MACF1: variants seen among roughly 807,000 people sequenced by gnomAD.
MACF1 encodes the protein microtubule-actin cross-linking factor 1.
MACF1 carries 193 observed loss-of-function variants against 854.8 expected under a neutral mutation model. The ratio of observed to expected loss-of-function variants is 0.23; its 90% confidence interval spans 0.20 to 0.25. MACF1 has a LOEUF of 0.25. MACF1 is among the 10% of genes least tolerant of loss of function. The pLI is 1.00. For synonymous variants in MACF1, 3,185 were observed against 3,226.7 expected (o/e 0.99, Z 0.44); for missense variants, 7,722 against 8,929.1 (o/e 0.86, Z 5.45).
chr1:39,458,712 C>T (rs931674333), intron 90 of MACF1: 28 of 587,316 alleles, frequency 4.8e-5, no homozygotes, highest in Non-Finnish European at 1.4e-5. Flanking sequence ...GGTGGTTAAG[C>T]TTATTTTTTA....
rs1213330995 is a variant in MACF1 at position 39,480,966 on chromosome 1, AC to A, written c.22218del (p.Asn7406LysfsTer31). The A allele has an allele frequency of 1.9e-6, 3 of 1,550,852 alleles. No homozygotes were observed. The highest frequency in any genetic ancestry group is 2.6e-6 in the Non-Finnish European group (3 of 1,147,086). On this transcript the variant is annotated frameshift_variant, in exon 99 of 101. Coordinates refer to ENST00000564288, the MANE Select transcript of MACF1 (RefSeq NM_001394062.1). LOFTEE classifies it high-confidence loss of function. ...SRCYDKPWLVNSKAGTPIRDS... is the reference protein window; with the variant it reads ...SRCYDKPWLVXSKAGTPIRDS... Reference sequence around the variant, plus strand: ...TGTTATGACAAACCCTGGTTGGTAAACAGTAAAGCTGGCACCCCTATCAGGG... The same window carrying A: ...TGTTATGACAAACCCTGGTTGGTAAAAGTAAAGCTGGCACCCCTATCAGGG...
At chr1:39,265,094 A>G (rs1033227312) in intron 6 of MACF1, among the ~76,000 whole-genome samples, 3 of 152,196 alleles carry the variant, frequency 2.0e-5, no homozygotes, top group African/African-American at 2.4e-5. Context: ...TAGTTTTCCA[A>G]CCCTCAAATG....
intron 93 of MACF1, among the ~76,000 whole-genome samples, chr1:39,462,544 C>A (rs977444097): frequency 7.5e-5 from 3 of 40,118 alleles, no homozygotes; most frequent in Non-Finnish European, 1.7e-4. Flanking sequence ...GTCTGTCCCC[C>A]CCGCCAAAAA....
intron 52 of MACF1, among the ~76,000 whole-genome samples, chr1:39,374,339 G>A (rs1024824311): frequency 1.3e-5 from 2 of 152,242 alleles, no homozygotes; most frequent in Non-Finnish European, 2.9e-5. Context: ...GTCTGTGATA[G>A]TGCACTCCTA....
At chr1:39,171,815 A>G (rs1325680142) in intron 2 of MACF1, among the ~76,000 whole-genome samples, 2 of 151,132 alleles carry the variant, frequency 1.3e-5, no homozygotes, top group Non-Finnish European at 2.9e-5. Flanking sequence ...TTTAGTAGAG[A>G]CGGGGTTTCA....
chr1:39,333,045 G>C lies in MACF1; in HGVS notation c.6457G>C (p.Val2153Leu), dbSNP rs1646754038. 3.7e-6 allele frequency: 6 copies of C among 1,613,838 alleles called. No individual in the cohort carries two copies. The highest frequency in any genetic ancestry group is 5.1e-6 in the Non-Finnish European group (6 of 1,180,022). ...PLVVDKDVFSVETPKKEHQPL... is the reference protein window; with the variant it reads ...PLVVDKDVFSLETPKKEHQPL... ...GGTGGTTGACAAAGATGTTTTTTCTGTTGAAACACCAAAGAAAGAACATCA... is the reference window on the plus strand; with the variant it reads ...GGTGGTTGACAAAGATGTTTTTTCTCTTGAAACACCAAAGAAAGAACATCA... The change falls in exon 37 of 101, where the codon GTT becomes CTT. Residue 2153 changes from valine to leucine, a missense_variant. By Grantham distance (32) the Val-to-Leu change is conservative. Coordinates refer to ENST00000564288, the MANE Select transcript of MACF1 (RefSeq NM_001394062.1).
intron 58 of MACF1, among the ~76,000 whole-genome samples, chr1:39,421,684 T>C (rs755217959): frequency 2.0e-5 from 3 of 152,250 alleles, no homozygotes; most frequent in Non-Finnish European, 4.4e-5. Context: ...TTTGGTATTA[T>C]TCTATTCTTC....
intron 2 of MACF1, among the ~76,000 whole-genome samples, chr1:39,174,436 T>C (rs186534572): frequency 6.4e-4 from 98 of 152,334 alleles, no homozygotes; most frequent in Non-Finnish European, 1.2e-3. Flanking sequence ...CTTTATTTTT[T>C]CGATTAGTAA....
intron 2 of MACF1, among the ~76,000 whole-genome samples, chr1:39,136,778 A>G (rs1643182524): frequency 1.3e-5 from 2 of 152,256 alleles, no homozygotes; most frequent in Admixed American, 1.3e-4. Flanking sequence ...ATATTACTAA[A>G]GAAAAATGAA....
chr1:39,330,574 C>A (rs1646703520), intron 36 of MACF1, among the ~76,000 whole-genome samples: 2 of 152,140 alleles, frequency 1.3e-5, no homozygotes, highest in South Asian at 4.1e-4. Flanking sequence ...AAGATTAAAT[C>A]CTATCATTTT....
chr1:39,277,901 G>A (rs1645467952), intron 6 of MACF1, among the ~76,000 whole-genome samples: 1 of 152,164 alleles, frequency 6.6e-6, no homozygotes, highest in Non-Finnish European at 1.5e-5. Context: ...TAAGTGGTGT[G>A]TCTTTTCTTG....
In MACF1 at chr1:39,337,284, T is replaced by C; in HGVS notation, c.10168T>C (p.Leu3390=). The change falls in exon 38 of 101, where the codon TTG becomes CTG. Residue 3390 remains leucine (L), a synonymous_variant. Transcript: ENST00000564288. Reference sequence around the variant, plus strand: ...AATGAGGACCAAACAGATTCAACCTTTGGAGCTAAACCTGGCAGAACTACA... The same window carrying C: ...AATGAGGACCAAACAGATTCAACCTCTGGAGCTAAACCTGGCAGAACTACA... The part of the protein sequence containing the change: ...IEMRTKQIQP[L]ELNLAELQDL... 6.2e-7 allele frequency: 1 copy of C among 1,614,108 alleles called. No individual in the cohort carries two copies. The highest frequency in any genetic ancestry group is 8.5e-7 in the Non-Finnish European group (1 of 1,179,992).
chr1:39,240,336 G>A (rs3121892), intron 2 of MACF1, among the ~76,000 whole-genome samples: 9,160 of 152,228 alleles, frequency 0.06, 348 homozygotes, highest in African/African-American at 0.11. Context: ...CTATATGGTA[G>A]TGGTTTGTGG....
At chr1:39,211,932 G>A (rs1644522051) in intron 1 of MACF1, among the ~76,000 whole-genome samples, 1 of 149,106 alleles carries the variant, frequency 6.7e-6, no homozygotes, top group South Asian at 2.1e-4. Flanking sequence ...AAAAGTAGGT[G>A]ATATATTATG....
At chr1:39,479,097 C>T (rs2124219184) in intron 97 of MACF1, among the ~76,000 whole-genome samples, 1 of 152,298 alleles carries the variant, frequency 6.6e-6, no homozygotes, top group East Asian at 1.9e-4. Flanking sequence ...AACTGGCTTC[C>T]CGTGCCGACT....
intron 61 of MACF1, among the ~76,000 whole-genome samples, chr1:39,426,566 TTCC>T (rs1202470317): frequency 6.6e-6 from 1 of 152,212 alleles, no homozygotes; most frequent in Admixed American, 6.5e-5. Context: ...ATATCCAGAC[TTCC>T]TCCTCACTTT....
In MACF1 at chr1:39,105,610, C is replaced by G; in HGVS notation, c.220+21172C>G. ...CAGCCCCCGGGGCTCGGCGAGAAGG[C>G]GGTGCGGGCGGCCATGGCCGGCTAC... is the stretch of plus-strand genomic sequence containing the variant. On this transcript the variant is annotated intron_variant, in intron 2 of 93. Transcript: ENST00000361689. The surrounding 1 kb of genome is among the most constrained non-coding windows in gnomAD (Gnocchi z 5.9). 1 of 1,218,734 alleles carries G rather than the reference C, an allele frequency of 8.2e-7. No individual in the cohort carries two copies. Among genetic ancestry groups the G allele is most frequent in the South Asian group, 1.4e-5 (1 of 73,324 alleles). 75.5% of individuals were successfully genotyped at this position (1,218,734 alleles called of 1,614,324 possible). A position where few individuals can be genotyped will look rare whatever the true frequency, so the allele number is the denominator to read the frequency against.
chr1:39,337,296 C>A lies in MACF1; in HGVS notation c.10180C>A (p.Leu3394Met), dbSNP rs1195352864. Residue 3394 changes from leucine (L) to methionine (M), a missense_variant, in exon 38 of 101, where the codon CTG becomes ATG. Leu to Met is a conservative substitution (Grantham distance 15, BLOSUM62 2). Transcript: ENST00000564288. ...ACAGATTCAACCTTTGGAGCTAAAC[C>A]TGGCAGAACTACAGGATCTGCTGTG... ...TKQIQPLELN[L>M]AELQDLLCQA... is the part of the protein sequence containing the mutation. The A allele has an allele frequency of 1.2e-6, 2 of 1,614,114 alleles. No homozygotes were observed. Among genetic ancestry groups the A allele is most frequent in the Admixed American group, 3.3e-5 (2 of 60,020 alleles).
chr1:39,176,035 G>A (rs552319849), intron 2 of MACF1, among the ~76,000 whole-genome samples: 11 of 146,826 alleles, frequency 7.5e-5, no homozygotes, highest in Admixed American at 1.4e-4. Context: ...TCATGAACCC[G>A]GGAGGCGGAG....
Sources: gnomAD v4.1 joint callset for allele counts (sites outside exome capture counted in the v4.1 genomes callset) on GRCh38, gnomAD v4.1.1 for gene constraint, Gnocchi (gnomAD v3.1) non-coding constraint, MANE v1.5 for transcripts, NCBI Gene and HGNC (gene_info 2026-07-23, HGNC 2026-07-21) for gene names.